The following SUGCT variants were observed in gnomAD, a reference collection of about 807,000 sequenced individuals.
SUGCT encodes the protein succinyl-CoA:glutarate-CoA transferase, also known as succinyl-CoA:glutarate CoA-transferase.
SUGCT carries 41 observed loss-of-function variants against 55.0 expected under a neutral mutation model. That is an observed-to-expected ratio of 0.74 (90% CI 0.58 to 0.97). SUGCT has a LOEUF of 0.97. SUGCT is among the 50% of genes least tolerant of loss of function. The pLI, the probability that SUGCT is intolerant of heterozygous loss-of-function variation, is 0.00. For missense variants in SUGCT, 568 were observed against 547.8 expected, an observed-to-expected ratio of 1.04 and a Z score of -0.37; for synonymous variants, 187 against 200.4, an observed-to-expected ratio of 0.93 and a Z score of 0.56.
chr7:40,905,161 T>A, the SUGCT span, among the ~76,000 whole-genome samples: 2 of 152,178 alleles, frequency 1.3e-5, no homozygotes, highest in African/African-American at 4.8e-5. Flanking sequence ...ATAAATAAAC[T>A]ATTCGTATTG....
At chr7:40,425,507 T>A (rs1787541660) in intron 9 of SUGCT, among the ~76,000 whole-genome samples, 1 of 152,150 alleles carries the variant, frequency 6.6e-6, no homozygotes, top group Non-Finnish European at 1.5e-5. Flanking sequence ...TCTCTTGTCT[T>A]CAACTCCATA....
At chr7:40,429,564 G>T (rs1416638292) in intron 9 of SUGCT, among the ~76,000 whole-genome samples, 1 of 152,162 alleles carries the variant, frequency 6.6e-6, no homozygotes, top group South Asian at 2.1e-4. Context: ...CTTGGAGTCC[G>T]ATGTTTGACG....
the SUGCT span, among the ~76,000 whole-genome samples, chr7:40,891,804 T>C: frequency 4.1e-4 from 62 of 152,164 alleles, no homozygotes; most frequent in African/African-American, 1.4e-3. Context: ...GGTCAGAAGA[T>C]TGAGACCATC....
At chr7:40,809,811 T>C (rs1043664473) in intron 13 of SUGCT, among the ~76,000 whole-genome samples, 5 of 152,126 alleles carry the variant, frequency 3.3e-5, no homozygotes, top group Admixed American at 2.6e-4. Context: ...CCAGTTTCTA[T>C]TGTTGCCATA....
chr7:40,561,688 CTTTTTTT>C (rs777766517), intron 12 of SUGCT, among the ~76,000 whole-genome samples: 1 of 100,162 alleles, frequency 1.0e-5, no homozygotes, highest in Non-Finnish European at 2.0e-5. Flanking sequence ...TAAGCCGAGT[CTTTTTTT>C]TTTTTTTTTT....
chr7:40,566,223 A>T (rs1796142990), intron 12 of SUGCT, among the ~76,000 whole-genome samples: 1 of 152,136 alleles, frequency 6.6e-6, no homozygotes. Context: ...AATTAAGGAG[A>T]TTCAATCATA....
the SUGCT span, among the ~76,000 whole-genome samples, chr7:40,988,971 C>A: frequency 6.6e-6 from 1 of 151,324 alleles, no homozygotes; most frequent in Non-Finnish European, 1.5e-5. Flanking sequence ...GCAAATATCA[C>A]AATAAAGCAA....
intron 11 of SUGCT, among the ~76,000 whole-genome samples, chr7:40,493,883 T>C (rs1047665626): frequency 6.6e-6 from 1 of 152,312 alleles, no homozygotes; most frequent in African/African-American, 2.4e-5. Flanking sequence ...GATGGATATG[T>C]CCTCTGAGAG....
Position 40,449,368 on chromosome 7 carries a change from A to C in SUGCT, c.888+10A>C. On this transcript the variant is annotated intron_variant, in intron 10 of 13. Transcript: ENST00000335693. ...TGCCACCGTCTGCAAGGTAATCTAT[A>C]ATTATTGGGATTGGTCGATGATTTT... is the stretch of plus-strand genomic sequence containing the variant. 1 of 1,599,644 alleles carries C rather than the reference A, an allele frequency of 6.3e-7. No homozygotes were observed. Among genetic ancestry groups the C allele is most frequent in the South Asian group, 1.1e-5 (1 of 89,850 alleles).
chr7:40,646,543 T>G (rs1433214102), intron 12 of SUGCT, among the ~76,000 whole-genome samples: 1 of 152,226 alleles, frequency 6.6e-6, no homozygotes, highest in Non-Finnish European at 1.5e-5. Context: ...ACTCACTGGC[T>G]TCATTTCTAT....
chr7:40,217,564 G>A, intron 6 of SUGCT: 1 of 316,822 alleles, frequency 3.2e-6, no homozygotes, highest in Non-Finnish European at 6.4e-6. Context: ...TGTTCCTCAG[G>A]TATCAAAGCA....
At chr7:40,995,354 T>TCTCA in the SUGCT span, among the ~76,000 whole-genome samples, 5 of 150,168 alleles carry the variant, frequency 3.3e-5, no homozygotes, top group Admixed American at 1.3e-4. Context: ...CTCCTCCCCT[T>TCTCA]CTCAGCACTT....
the SUGCT span, among the ~76,000 whole-genome samples, chr7:40,900,257 C>T: frequency 0.13 from 19,157 of 152,224 alleles, 2,116 homozygotes; most frequent in African/African-American, 0.31. Flanking sequence ...TTTCTAACCG[C>T]CCAGCTATTT....
At chr7:40,312,607 T>C (rs1411907224) in intron 8 of SUGCT, among the ~76,000 whole-genome samples, 1 of 152,186 alleles carries the variant, frequency 6.6e-6, no homozygotes, top group African/African-American at 2.4e-5. Flanking sequence ...CTTACAATTC[T>C]AATTGTAGTA....
At chr7:40,835,974 C>T (rs1408539144) in intron 13 of SUGCT, among the ~76,000 whole-genome samples, 3 of 150,406 alleles carry the variant, frequency 2.0e-5, no homozygotes, top group African/African-American at 7.4e-5. Flanking sequence ...CTCACTGCAG[C>T]CTTGATTTCC....
intron 12 of SUGCT, among the ~76,000 whole-genome samples, chr7:40,618,604 A>G (rs1054203888): frequency 1.3e-5 from 2 of 152,178 alleles, no homozygotes; most frequent in African/African-American, 4.8e-5. Flanking sequence ...TTTGCTAGCT[A>G]TTTTCAAATA....
intron 8 of SUGCT, among the ~76,000 whole-genome samples, chr7:40,296,233 G>A (rs930823879): frequency 6.6e-6 from 1 of 152,160 alleles, no homozygotes; most frequent in African/African-American, 2.4e-5. Context: ...ACTTATGCTA[G>A]TTTCCTTTTT....
intron 9 of SUGCT, among the ~76,000 whole-genome samples, chr7:40,411,558 T>C (rs1277573481): frequency 6.6e-6 from 1 of 152,046 alleles, no homozygotes; most frequent in Non-Finnish European, 1.5e-5. Context: ...CATGCGGAAG[T>C]TAAAAAATTG....
At chr7:40,217,270 C>T (rs374759821) in intron 6 of SUGCT, 2 of 271,812 alleles carry the variant, frequency 7.4e-6, no homozygotes, top group South Asian at 2.8e-5. Flanking sequence ...AGTGTCATGG[C>T]GCCATCTAAG....
Sources: gnomAD v4.1 joint callset for allele counts (sites outside exome capture counted in the v4.1 genomes callset) on GRCh38, gnomAD v4.1.1 for gene constraint, MANE v1.5 for transcripts, NCBI Gene and HGNC (gene_info 2026-07-23, HGNC 2026-07-21) for gene names.